The following KNTC1 variants were observed in gnomAD, a reference collection of about 807,000 sequenced individuals.
The protein encoded by KNTC1 is kinetochore-associated protein 1.
Under a neutral mutation model 314.4 loss-of-function variants are expected in KNTC1, and 253 were observed. The observed-to-expected ratio is 0.80, with a 90% CI of 0.73 to 0.89. KNTC1 has a LOEUF of 0.89. KNTC1 is among the 40% of genes least tolerant of loss of function. KNTC1 has a pLI of 0.00. For synonymous variants in KNTC1, 901 were observed against 901.4 expected, an observed-to-expected ratio of 1.00 and a Z score of 0.01; for missense variants, 2,475 against 2,572.9, an observed-to-expected ratio of 0.96 and a Z score of 0.82.
chr12:122,550,448 T>A (rs1184178437), intron 13 of KNTC1, among the ~76,000 whole-genome samples: 1 of 152,206 alleles, frequency 6.6e-6, no homozygotes, highest in Admixed American at 6.5e-5. Flanking sequence ...AAGCTATTTT[T>A]TTTTCTTATG....
Position 122,584,922 on chromosome 12 carries a change from A to G in KNTC1, c.3466A>G (p.Lys1156Glu). 1 of 1,592,494 alleles carries G rather than the reference A, an allele frequency of 6.3e-7. No individual in the cohort carries two copies. Among genetic ancestry groups the G allele is most frequent in the Non-Finnish European group, 8.6e-7 (1 of 1,160,576 alleles). ...DFLLDALELC[K>E]HTLMAVELSR... ...TTTACTAGATGCTTTAGAACTATGT[A>G]AACATACTTTAATGGCTGTAGAGCT... Residue 1156 changes from lysine (K) to glutamate (E), a missense_variant, in exon 36 of 64, where the codon AAA becomes GAA. Transcript: ENST00000333479.
chr12:122,605,293 T>A lies in KNTC1; in HGVS notation c.5387-13T>A. 6.7e-7 allele frequency: 1 copy of A among 1,500,108 alleles called. No individual in the cohort carries two copies. Among genetic ancestry groups the A allele is most frequent in the Non-Finnish European group, 9.1e-7 (1 of 1,103,138 alleles). The allele number at this position is 1,500,108 out of a possible 1,614,324, so 92.9% of individuals were successfully genotyped here. ...AACTTGAGTTTTTCTTTTCTTTATT[T>A]TGAATATCTTAGATATTCATGCAGC... On this transcript the variant is annotated splice_polypyrimidine_tract_variant and intron_variant, in intron 50 of 63. Coordinates refer to ENST00000333479, the MANE Select transcript of KNTC1 (RefSeq NM_014708.6).
rs1232190970 is a variant in KNTC1 at position 122,534,791 on chromosome 12, AT to A, written c.250+8del. Reference sequence around the variant, plus strand: ...CAATTGCATCTTGTCTTTGGTAAGTATAATGTAGTGAATGAAGTAAGATAAA... The same window carrying A: ...CAATTGCATCTTGTCTTTGGTAAGTAAATGTAGTGAATGAAGTAAGATAAA... On this transcript the variant is annotated splice_region_variant and intron_variant, in intron 3 of 63. Transcript: ENST00000333479. 1.2e-6 allele frequency: 2 copies of A among 1,612,036 alleles called. No homozygotes were observed. The highest frequency in any genetic ancestry group is 1.7e-6 in the Non-Finnish European group (2 of 1,178,530).
At chr12:122,620,733 G>A in intron 60 of KNTC1, 125 bp downstream of exon 60, 1 of 998,344 alleles carries the variant, frequency 1.0e-6, no homozygotes. Flanking sequence ...AGATATGTGT[G>A]AAGCTTGTAT....
Position 122,575,718 on chromosome 12 carries a change from T to C in KNTC1, c.2486+72T>C, listed in dbSNP as rs1483818377. ...ATTGTGTTTTGAGTTGACGTTCATTTATGTTTCTATATTGTTTGCTGTGTC... is the reference window on the plus strand; with the variant it reads ...ATTGTGTTTTGAGTTGACGTTCATTCATGTTTCTATATTGTTTGCTGTGTC... On this transcript the variant is annotated intron_variant, in intron 28 of 63. Coordinates refer to ENST00000333479, the MANE Select transcript of KNTC1 (RefSeq NM_014708.6). 3 of 1,474,116 alleles carry C rather than the reference T, an allele frequency of 2.0e-6. No homozygotes were observed. In the Admixed American group the frequency reaches 5.6e-5, roughly 27 times the overall value. The allele number at this position is 1,474,116 out of a possible 1,614,324, so 91.3% of individuals were successfully genotyped here. A position where few individuals can be genotyped will look rare whatever the true frequency, so the allele number is the denominator to read the frequency against.
chr12:122,582,008 G>A (rs761550729), intron 33 of KNTC1, among the ~76,000 whole-genome samples: 1 of 151,982 alleles, frequency 6.6e-6, no homozygotes, highest in Non-Finnish European at 1.5e-5. Context: ...ACTTTCTGTC[G>A]CTGTGAATTT....
chr12:122,539,348 T>A (rs1175288611), intron 4 of KNTC1, among the ~76,000 whole-genome samples: 5 of 152,188 alleles, frequency 3.3e-5, no homozygotes, highest in African/African-American at 1.2e-4. Context: ...AAAAAAATGT[T>A]TTTTTGAAAA....
chr12:122,609,194 T>C (rs1344476750), intron 51 of KNTC1, 190 bp from the exon 52 acceptor site: 1 of 569,190 alleles, frequency 1.8e-6, no homozygotes, highest in Non-Finnish European at 3.1e-6. Context: ...AGTGAATATT[T>C]GTTGAGTAAA....
chr12:122,576,836 T>A, intron 29 of KNTC1, 59 bp from the exon 30 acceptor site: 1 of 1,388,090 alleles, frequency 7.2e-7, no homozygotes. Context: ...TATAAGCAAG[T>A]GATTTCTTGG....
At position 122,551,534 on chromosome 12, in the gene KNTC1, A is replaced by T. The variant is rs529135542; in HGVS notation, c.1196+11A>T. ...TTTACCAGAAAACAGGTAACTTCTCATTTTTTTTTAAGCTTTATCCTTTAG... is the reference window on the plus strand; with the variant it reads ...TTTACCAGAAAACAGGTAACTTCTCTTTTTTTTTTAAGCTTTATCCTTTAG... On this transcript the variant is annotated intron_variant, in intron 15 of 63. Transcript: ENST00000333479. The T allele has an allele frequency of 2.6e-5, 42 of 1,592,188 alleles. No individual in the cohort carries two copies. Among genetic ancestry groups the T allele is most frequent in the African/African-American group, 2.0e-4 (15 of 74,332 alleles).
At chr12:122,569,619 A>G (rs1964563143) in intron 21 of KNTC1, 62 bp from the exon 22 acceptor site, 7 of 1,444,408 alleles carry the variant, frequency 4.8e-6, no homozygotes, top group South Asian at 1.2e-5. Context: ...ATCTTTGTCA[A>G]ACATTTGGAA....
intron 60 of KNTC1, among the ~76,000 whole-genome samples, 174 bp downstream of exon 60, chr12:122,620,782 G>A (rs1012592729): frequency 1.3e-5 from 2 of 152,206 alleles, no homozygotes; most frequent in African/African-American, 4.8e-5. Flanking sequence ...GATAGATTAA[G>A]GTCCAGCTGA....
At chr12:122,599,700 C>A (rs1871570495) in intron 44 of KNTC1, among the ~76,000 whole-genome samples, 1 of 152,050 alleles carries the variant, frequency 6.6e-6, no homozygotes, top group Non-Finnish European at 1.5e-5. Context: ...TTATATTTTG[C>A]TTGCAATTCA....
intron 12 of KNTC1, among the ~76,000 whole-genome samples, chr12:122,549,536 T>A (rs1221349181): frequency 6.6e-6 from 1 of 151,858 alleles, no homozygotes; most frequent in Non-Finnish European, 1.5e-5. Flanking sequence ...CCAGGCTAAT[T>A]TTTTGTATTT....
At chr12:122,564,602 G>A (rs114224412) in intron 20 of KNTC1, among the ~76,000 whole-genome samples, 7,806 of 151,914 alleles carry the variant, frequency 0.051, 646 homozygotes, top group African/African-American at 0.18. Context: ...CAAGTAGCTT[G>A]GGACTACAGA....
chr12:122,549,694 T>C, intron 12 of KNTC1, 72 bp from the exon 13 acceptor site: 1 of 774,826 alleles, frequency 1.3e-6, no homozygotes, highest in South Asian at 1.5e-5. Flanking sequence ...CTGCTCTTAA[T>C]TGTGAAGTGC....
chr12:122,623,697 ATTC>A (rs1307853837), intron 62 of KNTC1, among the ~76,000 whole-genome samples: 1 of 152,172 alleles, frequency 6.6e-6, no homozygotes, highest in African/African-American at 2.4e-5. Context: ...GAATTAGGTC[ATTC>A]TTGTGATACC....
At chr12:122,591,209 AAAT>A in intron 41 of KNTC1, 125 bp from the exon 42 acceptor site, 1 of 675,440 alleles carries the variant, frequency 1.5e-6, no homozygotes, top group Non-Finnish European at 2.7e-6. Context: ...ACTGTGTACA[AAAT>A]AATATGTAAC....
At chr12:122,604,786 G>C (rs1337436401) in intron 49 of KNTC1, 91 bp from the exon 50 acceptor site, 12 of 1,321,980 alleles carry the variant, frequency 9.1e-6, no homozygotes, top group African/African-American at 1.5e-5. Flanking sequence ...CTGAGGAAGG[G>C]GGGAGGGATT....
Sources: gnomAD v4.1 joint callset for allele counts (sites outside exome capture counted in the v4.1 genomes callset) on GRCh38, gnomAD v4.1.1 for gene constraint, MANE v1.5 for transcripts, NCBI Gene and HGNC (gene_info 2026-07-23, HGNC 2026-07-21) for gene names.